BRIX1: variants seen among roughly 807,000 people sequenced by gnomAD.
The protein encoded by BRIX1 is ribosome biogenesis protein BRX1 homolog.
Under a neutral mutation model 44.0 loss-of-function variants are expected in BRIX1, and 15 were observed. The ratio of observed to expected loss-of-function variants is 0.34; its 90% CI spans 0.23 to 0.53. BRIX1 has a LOEUF of 0.53. Ranked by LOEUF, BRIX1 falls within the 20% of genes least tolerant of loss-of-function variation. BRIX1 has a pLI of 0.95. For synonymous variants in BRIX1, 149 were observed against 135.4 expected (o/e 1.10, Z -0.70); for missense variants, 420 against 432.8 (o/e 0.97, Z 0.26).
At position 34,925,530 on chromosome 5, in the gene BRIX1, T is replaced by C. The variant is rs999278355; in HGVS notation, c.*35T>C. On this transcript the variant is annotated 3_prime_UTR_variant, in exon 10 of 10. Coordinates refer to ENST00000336767, the MANE Select transcript of BRIX1 (RefSeq NM_018321.4). Reference sequence around the variant, plus strand: ...AACCTGATTTGTTTTTCAGTTACTTTATATTTATTTTGTATTCAATGTGTA... The same window carrying C: ...AACCTGATTTGTTTTTCAGTTACTTCATATTTATTTTGTATTCAATGTGTA... The C allele has an allele frequency of 8.9e-6, 14 of 1,568,102 alleles. No individual in the cohort carries two copies. The African/African-American group carries it at 1.1e-4, about 12-fold the overall frequency.
At chr5:34,917,539 C>T (rs1195190791) in intron 1 of BRIX1, among the ~76,000 whole-genome samples, 5 of 151,712 alleles carry the variant, frequency 3.3e-5, no homozygotes, top group Non-Finnish European at 5.9e-5. Flanking sequence ...ACTCGGGAGT[C>T]TGAGGCAGGA....
chr5:34,924,657 A>G lies in BRIX1; in HGVS notation c.664-190A>G, dbSNP rs141329423. Among the ~76,000 whole-genome samples, 374 of 152,332 alleles carry G rather than the reference A, an allele frequency of 2.5e-3. 4 individuals are homozygous for G. Among genetic ancestry groups the G allele is most frequent in the African/African-American group, 8.6e-3 (356 of 41,572 alleles). The stretch of plus-strand genomic sequence containing the variant: ...GAACTCACTGAAAAAACATTTTTCC[A>G]TGACAACTTCCTATAAGTACTAATA... On this transcript the variant is annotated intron_variant, in intron 8 of 9. Transcript: ENST00000336767.
In BRIX1 at chr5:34,922,062, G is replaced by A. The variant is rs148529990; in HGVS notation, c.316-155G>A. 6.3e-4 allele frequency: 269 copies of A among 429,994 alleles called. 2 individuals carry two copies. In the East Asian group the frequency reaches 9.2e-3, roughly 15 times the overall value. 26.6% of individuals were successfully genotyped at this position (429,994 alleles called of 1,614,324 possible). A position where few individuals can be genotyped will look rare whatever the true frequency, so the allele number is the denominator to read the frequency against. On this transcript the variant is annotated intron_variant, in intron 3 of 9. Transcript: ENST00000336767. ...TAGAATACCTAAGAGGAACTTTAAA[G>A]GTTCCTTCTGTGAATAAATACATGT...
rs760116710 is a variant in BRIX1 at position 34,915,831 on chromosome 5, G to C, written c.93G>C (p.Lys31Asn). ...AAATAGATGCGGAGCCGCCAGCTAA[G>C]CGGCACGCCACAGCAGAGGAGGTGG... is the stretch of plus-strand genomic sequence containing the variant. ...RNEIDAEPPA[K>N]RHATAEEVEE... is the part of the protein sequence containing the mutation. The change falls in exon 1 of 10, where the codon AAG becomes AAC. Residue 31 changes from lysine (K) to asparagine (N), a missense_variant. Lys to Asn is a moderately conservative substitution (Grantham distance 94). Coordinates refer to ENST00000336767, the MANE Select transcript of BRIX1 (RefSeq NM_018321.4). 6.4e-7 allele frequency: 1 copy of C among 1,572,832 alleles called. No individual in the cohort carries two copies. Among genetic ancestry groups the C allele is most frequent in the South Asian group, 1.2e-5 (1 of 85,704 alleles).
chr5:34,916,825 T>C (rs576442684), intron 1 of BRIX1: 10 of 152,358 alleles, frequency 6.6e-5, no homozygotes, highest in African/African-American at 2.4e-4. Flanking sequence ...AGCCCCGTTA[T>C]TAACAGCAAC....
intron 1 of BRIX1, 186 bp downstream of exon 1, chr5:34,916,083 G>T: frequency 1.6e-6 from 1 of 621,292 alleles, no homozygotes; most frequent in East Asian, 3.4e-5. Flanking sequence ...GCACGTGGCC[G>T]TCTTCCTGGA....
At chr5:34,916,229 T>A (rs1764084833) in intron 1 of BRIX1, 1 of 196,718 alleles carries the variant, frequency 5.1e-6, no homozygotes, top group African/African-American at 2.3e-5. Flanking sequence ...TTTTCCTTGG[T>A]TATTTCTCGC....
At position 34,925,310 on chromosome 5, in the gene BRIX1, G is replaced by C; in HGVS notation, c.877G>C (p.Glu293Gln). ...AGATGTGCAAAAACTGAGAAAGAAA[G>C]AGCCGAAGACTCTTCTTCCACATGA... is the stretch of plus-strand genomic sequence containing the variant. ...VKDVQKLRKK[E>Q]PKTLLPHDPT... is the part of the protein sequence containing the mutation. Residue 293 changes from glutamate (E) to glutamine (Q), a missense_variant, in exon 10 of 10, where the codon GAG (glutamate) becomes CAG (glutamine). By Grantham distance (29) the Glu-to-Gln change is conservative. Transcript: ENST00000336767. 1 of 1,612,590 alleles carries C rather than the reference G, an allele frequency of 6.2e-7. No individual in the cohort carries two copies. The highest frequency in any genetic ancestry group is 8.5e-7 in the Non-Finnish European group (1 of 1,179,808).
chr5:34,922,338 C>G, intron 4 of BRIX1, 51 bp downstream of exon 4: 1 of 1,184,350 alleles, frequency 8.4e-7, no homozygotes, highest in East Asian at 2.4e-5. Context: ...TGGATTTGTT[C>G]TTTGTACCTT....
chr5:34,924,642 A>G (rs553854538), intron 8 of BRIX1, among the ~76,000 whole-genome samples: 2 of 152,344 alleles, frequency 1.3e-5, no homozygotes, highest in East Asian at 3.9e-4. Flanking sequence ...GAACTCACTG[A>G]AAAAACATTT....
In BRIX1 at chr5:34,918,607, A is replaced by G. The variant is rs541316310; in HGVS notation, c.271+132A>G. 9.8e-5 allele frequency: 48 copies of G among 491,460 alleles called. No individual in the cohort carries two copies. The South Asian group carries it at 2.1e-3, about 22-fold the overall frequency. 30.4% of individuals were successfully genotyped at this position (491,460 alleles called of 1,614,324 possible). On this transcript the variant is annotated intron_variant, in intron 2 of 9. Coordinates refer to ENST00000336767, the MANE Select transcript of BRIX1 (RefSeq NM_018321.4). ...AAACACAATGCCTTTTATCCTTTCA[A>G]GTGCCACAATTTTTCCAGTTAACAT...
chr5:34,922,319 T>G, intron 4 of BRIX1, 32 bp downstream of exon 4: 1 of 1,321,468 alleles, frequency 7.6e-7, no homozygotes, highest in Non-Finnish European at 1.1e-6. Context: ...TTGGTTAAAC[T>G]CATTTAAGTG....
In BRIX1 at chr5:34,923,147, A is replaced by C. The variant is rs1280127858; in HGVS notation, c.576A>C (p.Pro192=). ...KELLIQIFST[P]RYHPKSQPFV... Reference sequence around the variant, plus strand: ...TTTTTAACTAGATCTTTAGTACACCACGGTATCATCCCAAAAGCCAACCAT... The same window carrying C: ...TTTTTAACTAGATCTTTAGTACACCCCGGTATCATCCCAAAAGCCAACCAT... Residue 192 remains proline, a synonymous_variant, in exon 8 of 10, where the codon CCA becomes CCC. Transcript: ENST00000336767. 2.5e-6 allele frequency: 4 copies of C among 1,613,696 alleles called. No individual in the cohort carries two copies. Among genetic ancestry groups the C allele is most frequent in the Non-Finnish European group, 3.4e-6 (4 of 1,179,556 alleles).
intron 1 of BRIX1, 25 bp from the exon 2 acceptor site, chr5:34,918,339 C>A: frequency 8.2e-7 from 1 of 1,212,154 alleles, no homozygotes; most frequent in Non-Finnish European, 1.2e-6. Flanking sequence ...ATTTTAAAAT[C>A]TTTTAACATT....
chr5:34,917,131 C>T (rs917239701), intron 1 of BRIX1, among the ~76,000 whole-genome samples: 3 of 151,852 alleles, frequency 2.0e-5, no homozygotes, highest in African/African-American at 7.3e-5. Context: ...AGAGGGAACA[C>T]TCCAAGGGAG....
chr5:34,919,100 A>T (rs545108893), intron 2 of BRIX1: 12 of 150,876 alleles, frequency 8.0e-5, no homozygotes, highest in Admixed American at 7.3e-4. Flanking sequence ...AATAAAAAAA[A>T]AAAAAAATGA....
chr5:34,919,019 G>C (rs1168655709), intron 2 of BRIX1: 1 of 151,280 alleles, frequency 6.6e-6, no homozygotes, highest in Non-Finnish European at 1.5e-5. Context: ...GGGAGGCCGA[G>C]GTGGGTGGAA....
chr5:34,919,509 A>C (rs1764194759), intron 2 of BRIX1, among the ~76,000 whole-genome samples: 2 of 152,180 alleles, frequency 1.3e-5, no homozygotes, highest in South Asian at 4.1e-4. Flanking sequence ...ATTTTCATTG[A>C]AACTGGTTTC....
At chr5:34,921,163 T>C (rs1470202242) in intron 3 of BRIX1, 2 of 152,216 alleles carry the variant, frequency 1.3e-5, no homozygotes, top group Non-Finnish European at 2.9e-5. Context: ...GTTTAAAGTC[T>C]TAAATAATGT....
Sources: allele counts gnomAD v4.1 joint callset (sites outside exome capture counted in the v4.1 genomes callset), GRCh38; gene constraint gnomAD v4.1.1; transcripts MANE v1.5; gene names NCBI Gene and HGNC (gene_info 2026-07-23, HGNC 2026-07-21).